The following FGF10 variants were observed in gnomAD, a reference collection of about 807,000 sequenced individuals.
FGF10 encodes the protein FGF-10.
A neutral mutation model predicts 19.8 loss-of-function variants in FGF10; 2 were observed. The ratio of observed to expected loss-of-function variants is 0.10; its 90% CI spans 0.04 to 0.32. FGF10 has a LOEUF of 0.32. FGF10 is among the 10% of genes least tolerant of loss of function. The pLI, the probability that FGF10 is intolerant of heterozygous loss-of-function variation, is 1.00. For missense variants in FGF10, 191 were observed against 246.3 expected (o/e 0.78, Z 1.50); for synonymous variants, 112 against 94.0 (o/e 1.19, Z -1.10).
intron 1 of FGF10, among the ~76,000 whole-genome samples, chr5:44,378,707 AG>A (rs1398269401): frequency 6.6e-6 from 1 of 152,178 alleles, no homozygotes; most frequent in Non-Finnish European, 1.5e-5. Context: ...CTGGGATTAC[AG>A]GGTCAGCCAC....
chr5:44,318,331 CAT>C lies in FGF10; in HGVS notation c.326-7803_326-7802del, dbSNP rs373577154. 3.3e-3 allele frequency among the ~76,000 whole-genome samples: 509 copies of C among 152,270 alleles called. 5 individuals are homozygous for C. The highest frequency in any genetic ancestry group is 0.01 in the African/African-American group (421 of 41,570). On this transcript the variant is annotated intron_variant, in intron 1 of 2. Transcript: ENST00000264664. Reference sequence around the variant, plus strand: ...AGGTAAACATTTCTGTATCAGAAAACATATTTCTATATAAAGTTTTATGTAGC... The same window carrying C: ...AGGTAAACATTTCTGTATCAGAAAACATTTCTATATAAAGTTTTATGTAGC...
intron 1 of FGF10, among the ~76,000 whole-genome samples, chr5:44,320,711 T>TC (rs2111724638): frequency 9.9e-6 from 1 of 101,490 alleles, no homozygotes; most frequent in African/African-American, 2.7e-5. Context: ...TTGGAGGTTT[T>TC]CTTTTTTTTT....
chr5:44,335,314 C>A (rs17234247), intron 1 of FGF10, among the ~76,000 whole-genome samples: 1,600 of 152,100 alleles, frequency 0.011, 28 homozygotes, highest in African/African-American at 0.036. Context: ...CCCAAGTAGA[C>A]TGGAGATCTT....
Position 44,345,469 on chromosome 5 carries a change from T to C in FGF10, c.326-34939A>G, listed in dbSNP as rs80023172. Among the ~76,000 whole-genome samples, 38 of 151,934 alleles carry C rather than the reference T, an allele frequency of 2.5e-4. 1 individual carries two copies. The East Asian group carries it at 5.5e-3, about 22-fold the overall frequency. ...TTACCATCATCAATATCTGACAATG[T>C]ACAGGATCATTCTCTGCAACATGCT... On this transcript the variant is annotated intron_variant, in intron 1 of 2. Transcript: ENST00000264664.
At chr5:44,381,667 CA>C (rs1561221351) in intron 1 of FGF10, among the ~76,000 whole-genome samples, 1 of 151,864 alleles carries the variant, frequency 6.6e-6, no homozygotes, top group Non-Finnish European at 1.5e-5. Context: ...AACACAGGAG[CA>C]AAAAAGGTTA....
rs543926322 is a variant in FGF10, at chr5:44,320,171, A to G, written c.326-9641T>C. 2.6e-5 allele frequency among the ~76,000 whole-genome samples: 4 copies of G among 152,332 alleles called. No individual in the cohort carries two copies. In the East Asian group the frequency reaches 5.8e-4, roughly 22 times the overall value. Reference sequence around the variant, plus strand: ...TGAGGAGCAGATGCAAATATAGATGAACGTTAGCAGACAGATTTGACTGCA... The same window carrying G: ...TGAGGAGCAGATGCAAATATAGATGGACGTTAGCAGACAGATTTGACTGCA... On this transcript the variant is annotated intron_variant, in intron 1 of 2. Coordinates refer to ENST00000264664, the MANE Select transcript of FGF10 (RefSeq NM_004465.2).
intron 1 of FGF10, among the ~76,000 whole-genome samples, chr5:44,364,593 A>G (rs906261118): frequency 2.0e-5 from 3 of 151,902 alleles, no homozygotes; most frequent in African/African-American, 7.2e-5. Flanking sequence ...TAAGATTAAT[A>G]TGATAGTGCA....
intron 1 of FGF10, among the ~76,000 whole-genome samples, chr5:44,336,368 CT>C (rs1740850956): frequency 6.6e-6 from 1 of 151,964 alleles, no homozygotes; most frequent in Admixed American, 6.6e-5. Flanking sequence ...TTATTCTCGT[CT>C]TTTTGTGGTT....
chr5:44,306,049 G>A (rs1740068975), intron 2 of FGF10, among the ~76,000 whole-genome samples: 1 of 152,128 alleles, frequency 6.6e-6, no homozygotes, highest in Non-Finnish European at 1.5e-5. Context: ...ACAAATCCAG[G>A]TTCTTACTCT....
chr5:44,327,293 A>G (rs1485450162), intron 1 of FGF10, among the ~76,000 whole-genome samples: 2 of 152,182 alleles, frequency 1.3e-5, no homozygotes, highest in African/African-American at 2.4e-5. Context: ...TGTGACTTGT[A>G]TGCTATAGGA....
chr5:44,376,505 A>AAAAAC (rs1561219468), intron 1 of FGF10, among the ~76,000 whole-genome samples: 3 of 144,946 alleles, frequency 2.1e-5, no homozygotes, highest in Non-Finnish European at 3.0e-5. Context: ...AAAAAAAAAA[A>AAAAAC]AAAAAAAAAA....
intron 1 of FGF10, among the ~76,000 whole-genome samples, chr5:44,345,043 A>G (rs1741056480): frequency 6.6e-6 from 1 of 151,870 alleles, no homozygotes; most frequent in Non-Finnish European, 1.5e-5. Context: ...AAATCAGCAT[A>G]TATTATGTAT....
intron 1 of FGF10, among the ~76,000 whole-genome samples, chr5:44,371,571 C>G (rs1465850018): frequency 6.6e-6 from 1 of 151,988 alleles, no homozygotes; most frequent in Non-Finnish European, 1.5e-5. Flanking sequence ...TAATGGAAAC[C>G]CTTTAATCAA....
chr5:44,301,910 C>T lies in FGF10; in HGVS notation c.*3085G>A, dbSNP rs1290278397. On this transcript the variant is annotated 3_prime_UTR_variant, in exon 3 of 3. Coordinates refer to ENST00000264664, the MANE Select transcript of FGF10 (RefSeq NM_004465.2). ...TTTTATTTAAATGTAACATACTATA[C>T]ACTGTTCAGCCTTTTGCGAGTTAGG... 6.6e-6 allele frequency among the ~76,000 whole-genome samples: 1 copy of T among 152,102 alleles called. No individual in the cohort carries two copies. Among genetic ancestry groups the T allele is most frequent in the African/African-American group, 2.4e-5 (1 of 41,430 alleles).
intron 1 of FGF10, among the ~76,000 whole-genome samples, chr5:44,356,923 A>G (rs1741359407): frequency 6.6e-6 from 1 of 151,250 alleles, no homozygotes; most frequent in South Asian, 2.1e-4. Context: ...AGAATTACAC[A>G]CTTCAAACTA....
intron 1 of FGF10, among the ~76,000 whole-genome samples, chr5:44,337,661 G>A (rs370411225): frequency 6.6e-6 from 1 of 152,166 alleles, no homozygotes; most frequent in East Asian, 1.9e-4. Flanking sequence ...GCATATTAGG[G>A]CCCAGCGTGG....
At chr5:44,368,721 T>G (rs944946169) in intron 1 of FGF10, among the ~76,000 whole-genome samples, 1 of 152,076 alleles carries the variant, frequency 6.6e-6, no homozygotes, top group African/African-American at 2.4e-5. Flanking sequence ...CAGGCTAGGG[T>G]TCAGTGGCAC....
At position 44,301,032 on chromosome 5, in the gene FGF10, A is replaced by G. The variant is rs1739955418; in HGVS notation, c.*3963T>C. On this transcript the variant is annotated 3_prime_UTR_variant, in exon 3 of 3. Coordinates refer to ENST00000264664, the MANE Select transcript of FGF10 (RefSeq NM_004465.2). ...AACAGAAAATGAATGTCTGAGAAGA[A>G]GCAGATCTTCGTTACTTCATTTCTA... is the stretch of plus-strand genomic sequence containing the variant. Among the ~76,000 whole-genome samples the G allele has an allele frequency of 6.6e-6, 1 of 152,138 alleles. No individual in the cohort carries two copies. Among genetic ancestry groups the G allele is most frequent in the African/African-American group, 2.4e-5 (1 of 41,448 alleles).
intron 1 of FGF10, among the ~76,000 whole-genome samples, chr5:44,310,777 G>A (rs759880918): frequency 1.3e-5 from 2 of 151,954 alleles, no homozygotes; most frequent in Admixed American, 6.6e-5. Context: ...ATTTTACTCT[G>A]AGCATACATA....
Sources: allele counts gnomAD v4.1 joint callset (sites outside exome capture counted in the v4.1 genomes callset), GRCh38; gene constraint gnomAD v4.1.1; transcripts MANE v1.5; gene names NCBI Gene and HGNC (gene_info 2026-07-23, HGNC 2026-07-21).